Variants in FAT3 observed in about 807,000 individuals in gnomAD.
The protein encoded by FAT3 is FAT atypical cadherin 3.
Under a neutral mutation model 310.2 loss-of-function variants are expected in FAT3, and 95 were observed. The ratio of observed to expected loss-of-function variants is 0.31; its 90% CI spans 0.26 to 0.36. The LOEUF is 0.36. Ranked by LOEUF, FAT3 falls within the 10% of genes least tolerant of loss-of-function variation. FAT3 has a pLI of 1.00. For synonymous variants in FAT3, 2,314 were observed against 2,192.9 expected (o/e 1.06, Z -1.54); for missense variants, 5,408 against 5,715.6 (o/e 0.95, Z 1.74).
rs1338341145 is a variant in FAT3 at position 92,735,396 on chromosome 11, T to C, written c.3670-26460T>C. On this transcript the variant is annotated intron_variant, in intron 4 of 27. Transcript: ENST00000525166. Reference sequence around the variant, plus strand: ...CATTAAGACCATTCCATGAGGCTAGTGTCATAAAAATCATTACTTATATAG... The same window carrying C: ...CATTAAGACCATTCCATGAGGCTAGCGTCATAAAAATCATTACTTATATAG... Among the ~76,000 whole-genome samples the C allele has an allele frequency of 6.6e-5, 10 of 152,280 alleles. No individual in the cohort carries two copies. The East Asian group carries it at 1.9e-3, about 29-fold the overall frequency.
At position 92,302,772 on chromosome 11, in the gene FAT3, T is replaced by C. The variant is rs187754077; in HGVS notation, c.-17-49324T>C. Among the ~76,000 whole-genome samples the C allele has an allele frequency of 9.2e-5, 14 of 152,272 alleles. No individual in the cohort carries two copies. The East Asian group carries it at 2.5e-3, about 27-fold the overall frequency. On this transcript the variant is annotated intron_variant, in intron 1 of 27. Coordinates refer to ENST00000525166, the MANE Select transcript of FAT3 (RefSeq NM_001367949.2). Reference sequence around the variant, plus strand: ...TCATTTAACAATTGTATGGTGTTGATTAATTTTCTGGTAGTGTTATGTTAA... The same window carrying C: ...TCATTTAACAATTGTATGGTGTTGACTAATTTTCTGGTAGTGTTATGTTAA...
chr11:92,367,078 G>T (rs1949043572), intron 2 of FAT3: 3 of 461,070 alleles, frequency 6.5e-6, no homozygotes, highest in Admixed American at 6.4e-5. Context: ...CTTCTGCACT[G>T]AGGTGAAGCA....
intron 3 of FAT3, among the ~76,000 whole-genome samples, chr11:92,610,648 G>T (rs1009776400): frequency 6.6e-6 from 1 of 152,146 alleles, no homozygotes; most frequent in Admixed American, 6.5e-5. Context: ...TCTCAGATCA[G>T]CTTGGGTTCC....
chr11:92,367,653 A>T (rs996869256), intron 2 of FAT3, among the ~76,000 whole-genome samples: 2 of 152,130 alleles, frequency 1.3e-5, no homozygotes, highest in African/African-American at 4.8e-5. Context: ...AACAAAAAAA[A>T]ACTGATAGTA....
intron 3 of FAT3, among the ~76,000 whole-genome samples, chr11:92,556,793 A>G (rs1955037385): frequency 6.6e-6 from 1 of 152,164 alleles, no homozygotes; most frequent in Non-Finnish European, 1.5e-5. Flanking sequence ...ATTGCTAATC[A>G]GCTCCATTAC....
chr11:92,839,040 A>G (rs945456057), intron 17 of FAT3, among the ~76,000 whole-genome samples: 4 of 152,142 alleles, frequency 2.6e-5, no homozygotes, highest in Non-Finnish European at 4.4e-5. Context: ...ACTCTTCTCC[A>G]TGACTGTTGC....
intron 22 of FAT3, among the ~76,000 whole-genome samples, chr11:92,872,916 T>G (rs1949425973): frequency 6.6e-6 from 1 of 152,206 alleles, no homozygotes. Flanking sequence ...GAATCTCACA[T>G]GATAACCTAT....
At position 92,353,517 on chromosome 11, in the gene FAT3, A is replaced by G. The variant is rs373197618; in HGVS notation, c.1405A>G (p.Thr469Ala). 9.3e-6 allele frequency: 15 copies of G among 1,613,616 alleles called. No individual in the cohort carries two copies. Among genetic ancestry groups the G allele is most frequent in the Non-Finnish European group, 1.3e-5 (15 of 1,179,778 alleles). The change falls in exon 2 of 28, where the codon ACC (threonine) becomes GCC (alanine). Residue 469 changes from threonine (T) to alanine (A), a missense_variant. Thr to Ala is a moderately conservative substitution (Grantham distance 58). Coordinates refer to ENST00000525166, the MANE Select transcript of FAT3 (RefSeq NM_001367949.2). Reference protein sequence around the residue: ...TISIEDANDHTPEFQQPLYDA... With the variant: ...TISIEDANDHAPEFQQPLYDA... ...CAGCATAGAAGATGCAAATGACCAC[A>G]CCCCAGAATTTCAGCAACCACTGTA...
At chr11:92,854,436 T>C (rs1948918428) in intron 19 of FAT3, among the ~76,000 whole-genome samples, 1 of 152,142 alleles carries the variant, frequency 6.6e-6, no homozygotes, top group African/African-American at 2.4e-5. Context: ...ACCAGCCCCG[T>C]GGAGCATGCA....
intron 3 of FAT3, among the ~76,000 whole-genome samples, chr11:92,684,541 A>AG (rs1399636263): frequency 2.2e-4 from 34 of 152,310 alleles, no homozygotes; most frequent in African/African-American, 7.5e-4. Context: ...CTACCAAGGG[A>AG]ACCAGTAAAG....
intron 3 of FAT3, among the ~76,000 whole-genome samples, chr11:92,598,048 C>T (rs1419108761): frequency 1.3e-5 from 2 of 151,636 alleles, no homozygotes. Flanking sequence ...AAATGGTTTT[C>T]TTAGGTATGA....
At chr11:92,350,355 T>G (rs1591149843) in intron 1 of FAT3, among the ~76,000 whole-genome samples, 1 of 91,250 alleles carries the variant, frequency 1.1e-5, no homozygotes, top group East Asian at 2.9e-4. Flanking sequence ...CCTGTAGGGA[T>G]TTTTTTTTTT....
intron 1 of FAT3, among the ~76,000 whole-genome samples, chr11:92,280,407 T>C (rs1034326230): frequency 6.6e-6 from 1 of 152,202 alleles, no homozygotes; most frequent in Admixed American, 6.5e-5. Flanking sequence ...GAAATTGACA[T>C]TTAAGAAATA....
At chr11:92,527,391 A>C (rs1488369765) in intron 3 of FAT3, among the ~76,000 whole-genome samples, 1 of 152,172 alleles carries the variant, frequency 6.6e-6, no homozygotes, top group Non-Finnish European at 1.5e-5. Context: ...TTGAAATCCC[A>C]CAAAAAAAGC....
chr11:92,341,008 G>A (rs370442049), intron 1 of FAT3, among the ~76,000 whole-genome samples: 3 of 152,104 alleles, frequency 2.0e-5, no homozygotes, highest in Admixed American at 6.6e-5. Flanking sequence ...GCACCTCTAG[G>A]GGGCAGCATT....
At position 92,751,792 on chromosome 11, in the gene FAT3, G is replaced by A. The variant is rs118025618; in HGVS notation, c.3670-10064G>A. Among the ~76,000 whole-genome samples the A allele has an allele frequency of 2.2e-4, 33 of 152,276 alleles. 2 individuals are homozygous for A. In the East Asian group the frequency reaches 5.3e-3, roughly 24 times the overall value. ...TAACAGATGCTTCTACATGGGCTGCGCAGGGTAGGGAAAAGAGCACGTGCT... is the reference window on the plus strand; with the variant it reads ...TAACAGATGCTTCTACATGGGCTGCACAGGGTAGGGAAAAGAGCACGTGCT... On this transcript the variant is annotated intron_variant, in intron 4 of 27. Transcript: ENST00000525166.
At chr11:92,340,111 C>CAAAAAAAAAAAAAAAAAA (rs56378818) in intron 1 of FAT3, among the ~76,000 whole-genome samples, 1 of 49,152 alleles carries the variant, frequency 2.0e-5, no homozygotes, top group Non-Finnish European at 3.9e-5. Context: ...GACTCCATCT[C>CAAAAAAAAAAAAAAAAAA]AAAAAAAAAA....
chr11:92,754,674 G>A (rs1266843487), intron 4 of FAT3, among the ~76,000 whole-genome samples: 1 of 129,022 alleles, frequency 7.8e-6, no homozygotes, highest in East Asian at 2.2e-4. Flanking sequence ...GGCCAACATG[G>A]TGAAAACCCG....
intron 1 of FAT3, among the ~76,000 whole-genome samples, chr11:92,284,708 C>G (rs116082706): frequency 6.6e-6 from 1 of 152,080 alleles, no homozygotes; most frequent in Non-Finnish European, 1.5e-5. Flanking sequence ...CTTTGTCGCT[C>G]TTGACCCTAG....
Sources: gnomAD v4.1 joint callset for allele counts (sites outside exome capture counted in the v4.1 genomes callset) on GRCh38, gnomAD v4.1.1 for gene constraint, MANE v1.5 for transcripts, NCBI Gene and HGNC (gene_info 2026-07-23, HGNC 2026-07-21) for gene names.